GAS2: variants seen among roughly 807,000 people sequenced by gnomAD.
GAS2 encodes growth arrest-specific protein 2.
GAS2 carries 20 observed loss-of-function variants against 37.5 expected under a neutral mutation model. The ratio of observed to expected loss-of-function variants is 0.53; its 90% CI spans 0.37 to 0.77. The LOEUF is 0.77. GAS2 is among the 30% of genes least tolerant of loss of function. GAS2 has a pLI of 0.00. For missense variants in GAS2, 336 were observed against 373.4 expected (o/e 0.90, Z 0.82); for synonymous variants, 144 against 132.2 (o/e 1.09, Z -0.61).
At chr11:22,672,956 G>A (rs1020785344) in intron 1 of GAS2, among the ~76,000 whole-genome samples, 24 of 151,804 alleles carry the variant, frequency 1.6e-4, no homozygotes, top group Non-Finnish European at 2.4e-4. Flanking sequence ...TTCCCATAAT[G>A]ACAATCTAAT....
intron 1 of GAS2, among the ~76,000 whole-genome samples, chr11:22,670,260 G>T (rs1365639750): frequency 6.6e-6 from 1 of 152,060 alleles, no homozygotes; most frequent in Non-Finnish European, 1.5e-5. Context: ...TTGACTGTGG[G>T]TTGATTAGGA....
At chr11:22,667,938 C>G (rs979525125) in intron 1 of GAS2, among the ~76,000 whole-genome samples, 2 of 152,212 alleles carry the variant, frequency 1.3e-5, no homozygotes, top group African/African-American at 4.8e-5. Context: ...CTCCAACCCT[C>G]TCCAACAAGG....
intron 1 of GAS2, among the ~76,000 whole-genome samples, chr11:22,643,635 A>T (rs1848655076): frequency 2.0e-5 from 3 of 152,060 alleles, no homozygotes. Flanking sequence ...AAATAAACTA[A>T]ATTTATTTTT....
intron 7 of GAS2, among the ~76,000 whole-genome samples, chr11:22,767,115 A>T (rs1280747198): frequency 6.6e-6 from 1 of 152,098 alleles, no homozygotes; most frequent in Non-Finnish European, 1.5e-5. Flanking sequence ...TATTGTTTGT[A>T]AAGTACTTTC....
chr11:22,703,769 G>T (rs532558755), intron 3 of GAS2, among the ~76,000 whole-genome samples: 1 of 152,072 alleles, frequency 6.6e-6, no homozygotes, highest in Admixed American at 6.6e-5. Context: ...AGGGGCTGAC[G>T]ACATGAATGG....
intron 2 of GAS2, among the ~76,000 whole-genome samples, chr11:22,680,831 G>C (rs181296523): frequency 1.3e-5 from 2 of 152,230 alleles, no homozygotes; most frequent in Admixed American, 1.3e-4. Flanking sequence ...AAGTAGTCAA[G>C]CATAGTGGCT....
intron 7 of GAS2, among the ~76,000 whole-genome samples, chr11:22,808,191 C>T (rs1224806083): frequency 1.3e-5 from 2 of 152,176 alleles, no homozygotes; most frequent in African/African-American, 2.4e-5. Context: ...ATGTATGCCT[C>T]CTCCAACTAT....
intron 7 of GAS2, among the ~76,000 whole-genome samples, chr11:22,782,675 T>C (rs1257467440): frequency 3.3e-5 from 5 of 150,928 alleles, no homozygotes; most frequent in African/African-American, 1.2e-4. Context: ...TGTTTTCTAT[T>C]CCTGTGTTAG....
chr11:22,649,522 A>G (rs981315389), intron 1 of GAS2, among the ~76,000 whole-genome samples: 1 of 152,122 alleles, frequency 6.6e-6, no homozygotes, highest in Non-Finnish European at 1.5e-5. Context: ...CTCTGGTAGA[A>G]TTCGGCTGTG....
chr11:22,787,306 A>G (rs1286346496), intron 7 of GAS2, among the ~76,000 whole-genome samples: 1 of 152,156 alleles, frequency 6.6e-6, no homozygotes, highest in Non-Finnish European at 1.5e-5. Context: ...GAGAAAGCAA[A>G]TATTTTTCTT....
intron 3 of GAS2, among the ~76,000 whole-genome samples, chr11:22,707,332 T>A (rs1851177350): frequency 6.6e-6 from 1 of 152,188 alleles, no homozygotes; most frequent in Non-Finnish European, 1.5e-5. Context: ...ATGCCACACC[T>A]TTCATTTCTG....
At chr11:22,648,175 T>C (rs1266772519) in intron 1 of GAS2, among the ~76,000 whole-genome samples, 1 of 152,274 alleles carries the variant, frequency 6.6e-6, no homozygotes, top group East Asian at 1.9e-4. Flanking sequence ...ATTTATTAAA[T>C]AGGGAATCCT....
At chr11:22,691,876 C>T (rs1850261238) in intron 3 of GAS2, among the ~76,000 whole-genome samples, 1 of 151,756 alleles carries the variant, frequency 6.6e-6, no homozygotes, top group Non-Finnish European at 1.5e-5. Flanking sequence ...AAATTAAATC[C>T]CCCTGTCACT....
intron 1 of GAS2, among the ~76,000 whole-genome samples, chr11:22,627,496 G>A (rs1404170917): frequency 6.6e-6 from 1 of 152,208 alleles, no homozygotes; most frequent in African/African-American, 2.4e-5. Context: ...GGAGGCAGTG[G>A]CTTATGCCTG....
chr11:22,770,345 A>G (rs1336593178), intron 7 of GAS2, among the ~76,000 whole-genome samples: 1 of 152,206 alleles, frequency 6.6e-6, no homozygotes, highest in East Asian at 1.9e-4. Context: ...TAGCAATGGT[A>G]GGGCCATTAC....
intron 3 of GAS2, among the ~76,000 whole-genome samples, chr11:22,714,290 A>G (rs1851555891): frequency 6.6e-6 from 1 of 152,228 alleles, no homozygotes; most frequent in Non-Finnish European, 1.5e-5. Flanking sequence ...GGGACATTAT[A>G]TAATGTTAGA....
intron 3 of GAS2, among the ~76,000 whole-genome samples, chr11:22,717,550 T>C (rs1456871416): frequency 6.6e-6 from 1 of 152,136 alleles, no homozygotes; most frequent in Non-Finnish European, 1.5e-5. Context: ...GGAAAAACTC[T>C]TCTAGACATT....
At chr11:22,641,178 T>A (rs1238384189) in intron 1 of GAS2, among the ~76,000 whole-genome samples, 1 of 146,654 alleles carries the variant, frequency 6.8e-6, no homozygotes, top group East Asian at 2.0e-4. Context: ...TCTGCTAAGG[T>A]TCCAGGATTC....
chr11:22,668,338 A>G (rs11026723), intron 1 of GAS2: 72,319 of 152,324 alleles, frequency 0.47, 19,570 homozygotes, highest in East Asian at 0.63. Flanking sequence ...AAGAGAAGGT[A>G]AGGGACAGAT....
Sources: gnomAD v4.1 joint callset for allele counts (sites outside exome capture counted in the v4.1 genomes callset) on GRCh38, gnomAD v4.1.1 for gene constraint, MANE v1.5 for transcripts, NCBI Gene and HGNC (gene_info 2026-07-23, HGNC 2026-07-21) for gene names.